TXK: variants seen among roughly 807,000 people sequenced by gnomAD.
TXK encodes tyrosine-protein kinase TXK.
A neutral mutation model predicts 81.0 loss-of-function variants in TXK; 60 were observed. The observed-to-expected ratio is 0.74, with a 90% CI of 0.60 to 0.92. The LOEUF is 0.92. Among genes scored for constraint, TXK ranks in the 40% least tolerant of loss-of-function variants. The pLI is 0.00. For missense variants in TXK, 581 were observed against 638.3 expected, an observed-to-expected ratio of 0.91 and a Z score of 0.97; for synonymous variants, 203 against 210.7, an observed-to-expected ratio of 0.96 and a Z score of 0.32.
chr4:48,089,991 T>C (rs1055826718), intron 8 of TXK, among the ~76,000 whole-genome samples, 167 bp from the exon 9 acceptor site: 2 of 152,076 alleles, frequency 1.3e-5, no homozygotes, highest in Non-Finnish European at 2.9e-5. Context: ...AAAAAAAATA[T>C]ATACTCATTG....
intron 11 of TXK, 41 bp downstream of exon 11, chr4:48,079,871 G>C: frequency 7.5e-7 from 1 of 1,330,520 alleles, no homozygotes; most frequent in Non-Finnish European, 1.1e-6. Flanking sequence ...CTGAATATAG[G>C]TATGATACAA....
chr4:48,125,781 C>T (rs975714585), intron 1 of TXK, among the ~76,000 whole-genome samples: 1 of 152,152 alleles, frequency 6.6e-6, no homozygotes, highest in African/African-American at 2.4e-5. Context: ...TGGAAACTGG[C>T]AAGTCCAAAA....
At chr4:48,101,298 A>G (rs1718183617) in intron 6 of TXK, among the ~76,000 whole-genome samples, 1 of 152,206 alleles carries the variant, frequency 6.6e-6, no homozygotes, top group Non-Finnish European at 1.5e-5. Context: ...TCATGTATCT[A>G]CCTGTTTGCA....
intron 5 of TXK, chr4:48,106,088 T>C (rs1443064737): frequency 6.6e-6 from 1 of 152,146 alleles, no homozygotes; most frequent in African/African-American, 2.4e-5. Context: ...TTAAAAAAAT[T>C]TTAATGCTTC....
At chr4:48,116,000 G>A (rs1324965393) in intron 1 of TXK, among the ~76,000 whole-genome samples, 1 of 152,140 alleles carries the variant, frequency 6.6e-6, no homozygotes. Flanking sequence ...TCACTTTGAG[G>A]GGAGACAGAC....
chr4:48,077,924 C>G (rs1214161884), intron 11 of TXK, among the ~76,000 whole-genome samples: 1 of 152,150 alleles, frequency 6.6e-6, no homozygotes, highest in Non-Finnish European at 1.5e-5. Flanking sequence ...ATATTTCAAC[C>G]CAGCTAGCCT....
chr4:48,106,388 G>GTT (rs34666709), intron 5 of TXK, among the ~76,000 whole-genome samples: 35 of 147,026 alleles, frequency 2.4e-4, no homozygotes, highest in African/African-American at 5.9e-4. Flanking sequence ...AGTTAGAAGG[G>GTT]TTTTTTTTTT....
chr4:48,092,812 C>G (rs1184275836), intron 8 of TXK, among the ~76,000 whole-genome samples: 3 of 152,142 alleles, frequency 2.0e-5, no homozygotes, highest in Non-Finnish European at 4.4e-5. Context: ...GGCATGGGGA[C>G]AGAAGAGGAG....
intron 11 of TXK, among the ~76,000 whole-genome samples, chr4:48,078,153 C>T (rs1717142122): frequency 6.6e-6 from 1 of 152,196 alleles, no homozygotes; most frequent in African/African-American, 2.4e-5. Context: ...TGTTCTTAAT[C>T]ACTGCGTGGC....
intron 12 of TXK, 60 bp from the exon 13 acceptor site, chr4:48,074,113 A>T (rs879038990): frequency 7.6e-6 from 10 of 1,319,020 alleles, no homozygotes; most frequent in African/African-American, 2.9e-5. Flanking sequence ...ATTTACTTCA[A>T]ATCCCTTTAG....
intron 5 of TXK, among the ~76,000 whole-genome samples, chr4:48,107,309 A>G (rs1227567413): frequency 2.6e-5 from 4 of 151,766 alleles, no homozygotes; most frequent in Non-Finnish European, 5.9e-5. Context: ...GTAGCCATAA[A>G]TCTTTCTATG....
chr4:48,096,320 T>C (rs1429642874), intron 6 of TXK, among the ~76,000 whole-genome samples: 1 of 152,228 alleles, frequency 6.6e-6, no homozygotes, highest in Non-Finnish European at 1.5e-5. Flanking sequence ...GAATGTATTG[T>C]GTATATGTAT....
At chr4:48,097,579 A>G (rs1718029512) in intron 6 of TXK, among the ~76,000 whole-genome samples, 1 of 150,972 alleles carries the variant, frequency 6.6e-6, no homozygotes, top group African/African-American at 2.4e-5. Flanking sequence ...TCCTGACTAC[A>G]GGCGCCTGCC....
chr4:48,102,602 A>G (rs1396152321), intron 6 of TXK, among the ~76,000 whole-genome samples: 1 of 152,248 alleles, frequency 6.6e-6, no homozygotes, highest in African/African-American at 2.4e-5. Context: ...TTAAATCTGC[A>G]CATACCCTGT....
chr4:48,096,310 G>C (rs1303191358), intron 6 of TXK, among the ~76,000 whole-genome samples: 2 of 152,140 alleles, frequency 1.3e-5, no homozygotes, highest in African/African-American at 4.8e-5. Context: ...AAGTAAAGTT[G>C]AATGTATTGT....
At chr4:48,070,141 TCTC>T (rs1716779143) in intron 14 of TXK, among the ~76,000 whole-genome samples, 1 of 140,202 alleles carries the variant, frequency 7.1e-6, no homozygotes, top group African/African-American at 2.6e-5. Flanking sequence ...GGAGGAAACT[TCTC>T]ATCAAGCTGC....
At chr4:48,086,760 G>A (rs1416462074) in intron 9 of TXK, 123 bp from the exon 10 acceptor site, 128 of 871,114 alleles carry the variant, frequency 1.5e-4, no homozygotes, top group Non-Finnish European at 2.1e-4. Flanking sequence ...AAAGTGGAGA[G>A]GATATGAAGC....
chr4:48,084,897 GTTAATC>G (rs2109417096), intron 10 of TXK, among the ~76,000 whole-genome samples: 2 of 152,324 alleles, frequency 1.3e-5, no homozygotes, highest in East Asian at 3.9e-4. Context: ...AATGGGTCCA[GTTAATC>G]GAGAATGGGT....
rs374170397 is a variant in TXK at position 48,100,569 on chromosome 4, A to G, written c.501+4332T>C. On this transcript the variant is annotated intron_variant, in intron 6 of 14. Coordinates refer to ENST00000264316, the MANE Select transcript of TXK (RefSeq NM_003328.3). ...TGCTGTCTGAAAAGGTTATGGGAAA[A>G]CAGACTCGCTTACATTTCTGGTAGG... 7.2e-5 allele frequency among the ~76,000 whole-genome samples: 11 copies of G among 152,350 alleles called. No homozygotes were observed. In the East Asian group the frequency reaches 1.9e-3, roughly 27 times the overall value.
Sources: gnomAD v4.1 joint callset for allele counts (sites outside exome capture counted in the v4.1 genomes callset) on GRCh38, gnomAD v4.1.1 for gene constraint, MANE v1.5 for transcripts, NCBI Gene and HGNC (gene_info 2026-07-23, HGNC 2026-07-21) for gene names.